TBXAS1: variants seen among roughly 807,000 people sequenced by gnomAD.
TBXAS1 encodes the protein thromboxane A synthase 1, also known as thromboxane-A synthase.
A neutral mutation model predicts 60.7 loss-of-function variants in TBXAS1; 48 were observed. The ratio of observed to expected loss-of-function variants is 0.79; its 90% CI spans 0.63 to 1.01. TBXAS1 has a LOEUF of 1.01. TBXAS1 is among the 50% of genes least tolerant of loss of function. TBXAS1 has a pLI of 0.00. For synonymous variants in TBXAS1, 287 were observed against 269.7 expected (o/e 1.06, Z -0.63); for missense variants, 685 against 686.3 (o/e 1.00, Z 0.02).
At chr7:139,887,686 T>C (rs1208252837) in intron 3 of TBXAS1, among the ~76,000 whole-genome samples, 1 of 152,176 alleles carries the variant, frequency 6.6e-6, no homozygotes, top group Non-Finnish European at 1.5e-5. Context: ...GATGGCGGAG[T>C]GTGTTACTTC....
chr7:139,972,788 T>C (rs1487279990), intron 9 of TBXAS1, among the ~76,000 whole-genome samples: 1 of 152,094 alleles, frequency 6.6e-6, no homozygotes, highest in African/African-American at 2.4e-5. Flanking sequence ...CCAGCCAGGA[T>C]GTAAACCCCA....
chr7:139,963,156 G>A (rs1810506467), intron 9 of TBXAS1: 1 of 152,196 alleles, frequency 6.6e-6, no homozygotes, highest in South Asian at 2.1e-4. Context: ...CATTCACTGT[G>A]TTACTAATTA....
chr7:139,880,539 AC>A (rs548834169), intron 3 of TBXAS1, among the ~76,000 whole-genome samples: 1 of 152,158 alleles, frequency 6.6e-6, no homozygotes, highest in Admixed American at 6.5e-5. Flanking sequence ...CACAGAGGCA[AC>A]CTCTCTTAAA....
At chr7:140,016,199 G>A (rs988251323) in intron 11 of TBXAS1, among the ~76,000 whole-genome samples, 4 of 151,914 alleles carry the variant, frequency 2.6e-5, no homozygotes, top group Middle Eastern at 3.2e-3. Flanking sequence ...GTGGTGGCGG[G>A]CGCCTGTAGT....
intron 4 of TBXAS1, among the ~76,000 whole-genome samples, chr7:139,806,485 A>G (rs1358736990): frequency 6.7e-6 from 1 of 149,396 alleles, no homozygotes; most frequent in Non-Finnish European, 1.5e-5. Context: ...CTGGTCTTGA[A>G]CTCCTGACCT....
intron 12 of TBXAS1, among the ~76,000 whole-genome samples, chr7:140,019,199 A>T (rs1045592330): frequency 6.6e-6 from 1 of 152,216 alleles, no homozygotes. Context: ...GATGGGGGAC[A>T]TAGAGTCTGA....
intron 5 of TBXAS1, among the ~76,000 whole-genome samples, chr7:139,945,829 G>T (rs924478837): frequency 6.6e-6 from 1 of 152,192 alleles, no homozygotes; most frequent in African/African-American, 2.4e-5. Context: ...GGATCAAGGT[G>T]TCTTGGAGTA....
chr7:139,978,574 C>T (rs116217661), intron 9 of TBXAS1, among the ~76,000 whole-genome samples: 6,035 of 151,814 alleles, frequency 0.04, 143 homozygotes, highest in Middle Eastern at 0.051. Flanking sequence ...ATTGAACACG[C>T]GCTCTGTTCT....
intron 7 of TBXAS1, among the ~76,000 whole-genome samples, chr7:139,956,373 C>T (rs149388232): frequency 0.017 from 2,527 of 152,118 alleles, 25 homozygotes; most frequent in Admixed American, 0.025. Flanking sequence ...CTCAAACTCC[C>T]GACCTCAGGT....
chr7:140,013,025 G>C lies in TBXAS1; in HGVS notation c.1227-2698G>C, dbSNP rs1448090254. Among the ~76,000 whole-genome samples the C allele has an allele frequency of 6.7e-6, 1 of 150,284 alleles. No homozygotes were observed. Among genetic ancestry groups the C allele is most frequent in the Non-Finnish European group, 1.5e-5 (1 of 67,726 alleles). On this transcript the variant is annotated intron_variant, in intron 10 of 12. Transcript: ENST00000448866. The surrounding 1 kb of genome is among the most constrained non-coding windows in gnomAD (Gnocchi z 4.2). ...AGGAATATTTGAAATTGGGCAAGAT[G>C]AGTGAGCTGAGATCGCGCCACTGCA...
intron 4 of TBXAS1, among the ~76,000 whole-genome samples, chr7:139,824,215 G>A (rs1220187563): frequency 2.0e-5 from 3 of 152,190 alleles, no homozygotes; most frequent in African/African-American, 7.2e-5. Context: ...AGGAGTGGGG[G>A]AAAAAGACTT....
At chr7:139,990,411 G>A (rs991830687) in intron 9 of TBXAS1, among the ~76,000 whole-genome samples, 2 of 152,188 alleles carry the variant, frequency 1.3e-5, no homozygotes, top group African/African-American at 4.8e-5. Flanking sequence ...GTCTCCTGGC[G>A]GAAGGGGCAG....
Position 139,962,075 on chromosome 7 carries a change from TTGAC to T in TBXAS1, c.979_982del (p.Thr327TrpfsTer41). ...CCAGCCCAGCCCTATGGCCAGGCCT[TTGAC>T]TGTGGATGAGATTGTGGGCCAGGCC... is the stretch of plus-strand genomic sequence containing the variant. On this transcript the variant is annotated frameshift_variant, in exon 9 of 13. Coordinates refer to ENST00000448866, the MANE Select transcript of TBXAS1 (RefSeq NM_001061.7). LOFTEE classifies it high-confidence loss of function. 4.3e-6 allele frequency: 7 copies of T among 1,614,206 alleles called. No homozygotes were observed. Among genetic ancestry groups the T allele is most frequent in the Non-Finnish European group, 5.9e-6 (7 of 1,180,048 alleles).
At chr7:140,016,490 T>C (rs889026752) in intron 11 of TBXAS1, 1 of 257,298 alleles carries the variant, frequency 3.9e-6, no homozygotes, top group African/African-American at 2.3e-5. Context: ...AGCCAGGACA[T>C]GGGATACAGG....
At chr7:139,879,832 T>TTGTGTGTGTGTGTGTG (rs57176056) in intron 3 of TBXAS1, among the ~76,000 whole-genome samples, 4 of 140,430 alleles carry the variant, frequency 2.8e-5, no homozygotes, top group African/African-American at 1.1e-4. Flanking sequence ...TTATCTCATT[T>TTGTGTGTGTGTGTGTG]TGTGTGTGTG....
At chr7:139,984,186 G>A (rs778011451) in intron 9 of TBXAS1, among the ~76,000 whole-genome samples, 5 of 152,238 alleles carry the variant, frequency 3.3e-5, no homozygotes, top group Non-Finnish European at 7.3e-5. Context: ...CTGTTTAAAG[G>A]GGATAATAAT....
At chr7:139,849,697 GC>G (rs1274414049) in intron 1 of TBXAS1, among the ~76,000 whole-genome samples, 1 of 152,208 alleles carries the variant, frequency 6.6e-6, no homozygotes, top group Non-Finnish European at 1.5e-5. Context: ...ATGGGATGGG[GC>G]GGGGCCCTAA....
At chr7:140,007,519 C>G (rs1814186983) in intron 10 of TBXAS1, among the ~76,000 whole-genome samples, 1 of 152,202 alleles carries the variant, frequency 6.6e-6, no homozygotes, top group African/African-American at 2.4e-5. Context: ...ATTCATTCAG[C>G]AATTGTTTAT....
chr7:139,812,636 ATTCATTTCTCCACAT>A (rs1352770711), intron 4 of TBXAS1, among the ~76,000 whole-genome samples: 1 of 152,252 alleles, frequency 6.6e-6, no homozygotes, highest in African/African-American at 2.4e-5. Context: ...AATGGAATGT[ATTCATTTCTCCACAT>A]TCCTATCCCC....
Sources: gnomAD v4.1 joint callset for allele counts (sites outside exome capture counted in the v4.1 genomes callset) on GRCh38, gnomAD v4.1.1 for gene constraint, Gnocchi (gnomAD v3.1) non-coding constraint, MANE v1.5 for transcripts, NCBI Gene and HGNC (gene_info 2026-07-23, HGNC 2026-07-21) for gene names.